The following OR3A2 variants were observed in gnomAD, a reference collection of about 807,000 sequenced individuals.
OR3A2 encodes the protein olfactory receptor 3A2.
For missense variants in OR3A2, 318 were observed against 392.8 expected (o/e 0.81, Z 1.61); for synonymous variants, 126 against 159.3 (o/e 0.79, Z 1.57).
intron 2 of OR3A2, among the ~76,000 whole-genome samples, chr17:3,379,997 G>A (rs779818553): frequency 6.6e-6 from 1 of 152,214 alleles, no homozygotes; most frequent in Non-Finnish European, 1.5e-5. Context: ...TGGTTTCAGA[G>A]GCCACCATAA....
In OR3A2 at chr17:3,371,730, C is replaced by A. The variant is rs2049625387; in HGVS notation, c.-179+12074G>T. Among the ~76,000 whole-genome samples, 4 of 141,462 alleles carry A rather than the reference C, an allele frequency of 2.8e-5. 1 individual carries two copies. Among genetic ancestry groups the A allele is most frequent in the African/African-American group, 1.1e-4 (4 of 37,636 alleles). The allele number at this position is 141,462 out of a possible 152,430, so 92.8% of individuals were successfully genotyped here. ...CCCACCTCCCTCCCGGACGGGGCAG[C>A]TGGCCGGGCAGAGGGACTCCTCACT... On this transcript the variant is annotated intron_variant, in intron 2 of 4. Transcript: ENST00000573491.
chr17:3,340,182 G>A (rs184798774), intron 2 of OR3A2, among the ~76,000 whole-genome samples: 741 of 151,868 alleles, frequency 4.9e-3, no homozygotes, highest in Non-Finnish European at 7.2e-3. Context: ...TCTTGCTAGC[G>A]GTCTATCAAT....
intron 2 of OR3A2, among the ~76,000 whole-genome samples, chr17:3,349,291 C>T (rs1463066719): frequency 6.6e-6 from 1 of 152,138 alleles, no homozygotes; most frequent in Non-Finnish European, 1.5e-5. Context: ...AAACCCATCT[C>T]ACGGGCAGAG....
chr17:3,383,552 TTCTC>T (rs2049755847), intron 2 of OR3A2, among the ~76,000 whole-genome samples: 1 of 152,180 alleles, frequency 6.6e-6, no homozygotes, highest in African/African-American at 2.4e-5. Context: ...GCTAGTGCTC[TTCTC>T]ACTGCATCAC....
At chr17:3,283,521 G>A (rs1322463825) in intron 1 of OR3A2, among the ~76,000 whole-genome samples, 2 of 152,180 alleles carry the variant, frequency 1.3e-5, no homozygotes, top group East Asian at 3.9e-4. Context: ...CACTGCGCCC[G>A]GCCGGTATCC....
At chr17:3,285,061 G>A (rs2048800030), upstream of OR3A2, among the ~76,000 whole-genome samples, 1 of 152,092 alleles carries the variant, frequency 6.6e-6, no homozygotes. Context: ...GATTCTAGAG[G>A]TGGTGGGAGA....
At position 3,361,095 on chromosome 17, in the gene OR3A2, A is replaced by G. The variant is rs558097270; in HGVS notation, c.-179+22709T>C. On this transcript the variant is annotated intron_variant, in intron 2 of 4. Coordinates refer to the OR3A2 transcript ENST00000573491. The stretch of plus-strand genomic sequence containing the variant: ...TGTTTGTGTCCTCTTTTATTTCGTT[A>G]AGCAGTGGTTTGTAGTTCTCCTTGA... Among the ~76,000 whole-genome samples the G allele has an allele frequency of 2.3e-3, 343 of 151,350 alleles. 11 individuals are homozygous for G. Among genetic ancestry groups the G allele is most frequent in the African/African-American group, 8.0e-3 (328 of 40,794 alleles).
chr17:3,307,723 G>A (rs908269899), intron 3 of OR3A2, among the ~76,000 whole-genome samples: 9 of 152,142 alleles, frequency 5.9e-5, no homozygotes, highest in African/African-American at 1.9e-4. Context: ...AAGAGAAGCC[G>A]GGCTTGAGGA....
At chr17:3,328,828 G>T (rs2049201395) in intron 3 of OR3A2, among the ~76,000 whole-genome samples, 1 of 143,304 alleles carries the variant, frequency 7.0e-6, no homozygotes, top group African/African-American at 2.7e-5. Flanking sequence ...TGTGGTTTTT[G>T]TCTTCGGCTC....
intron 2 of OR3A2, among the ~76,000 whole-genome samples, chr17:3,346,274 G>C (rs931899698): frequency 6.6e-6 from 1 of 152,088 alleles, no homozygotes; most frequent in Admixed American, 6.6e-5. Context: ...TACATGGTAG[G>C]TGTACATATT....
intron 2 of OR3A2, among the ~76,000 whole-genome samples, chr17:3,348,962 T>C (rs1567563675): frequency 6.6e-6 from 1 of 152,018 alleles, no homozygotes; most frequent in Admixed American, 6.6e-5. Context: ...AATAAAATAC[T>C]TTACAGACAA....
Position 3,372,273 on chromosome 17 carries a change from G to A in OR3A2, c.-179+11531C>T, listed in dbSNP as rs901012333. On this transcript the variant is annotated intron_variant, in intron 2 of 4. Coordinates refer to the OR3A2 transcript ENST00000573491. ...TCACTTCCTAGATGGGATGGCGGCC[G>A]GGAAGAGGCACTCCTCACTTCCTAG... is the stretch of plus-strand genomic sequence containing the variant. 1.3e-4 allele frequency among the ~76,000 whole-genome samples: 19 copies of A among 148,592 alleles called. 1 individual carries two copies. The highest frequency in any genetic ancestry group is 3.5e-4 in the African/African-American group (14 of 40,010).
chr17:3,384,033 G>C (rs995450624), intron 1 of OR3A2: 2 of 145,586 alleles, frequency 1.4e-5, no homozygotes, highest in Non-Finnish European at 3.0e-5. Flanking sequence ...AATATTTATT[G>C]AATAAATATT....
intron 2 of OR3A2, among the ~76,000 whole-genome samples, chr17:3,346,236 A>G (rs1463671318): frequency 6.6e-6 from 1 of 152,140 alleles, no homozygotes; most frequent in Admixed American, 6.5e-5. Context: ...TGGTATATAT[A>G]CTATATTTTC....
At chr17:3,349,127 C>A (rs1291286463) in intron 2 of OR3A2, among the ~76,000 whole-genome samples, 3 of 152,078 alleles carry the variant, frequency 2.0e-5, no homozygotes, top group Admixed American at 2.0e-4. Context: ...CATCAACTAA[C>A]GTGCAAAATC....
intron 3 of OR3A2, chr17:3,291,848 G>A (rs1597321760): frequency 6.2e-7 from 1 of 1,614,066 alleles, no homozygotes; most frequent in East Asian, 2.2e-5. Context: ...TGAGGTGGGA[G>A]CCACATGTGG....
At chr17:3,287,031 G>T (rs2048819136), upstream of OR3A2, among the ~76,000 whole-genome samples, 1 of 152,010 alleles carries the variant, frequency 6.6e-6, no homozygotes, top group South Asian at 2.1e-4. Flanking sequence ...TTTCTTCTAG[G>T]GTTTTTATGG....
chr17:3,337,578 T>C (rs2049282919), intron 2 of OR3A2, among the ~76,000 whole-genome samples: 1 of 152,184 alleles, frequency 6.6e-6, no homozygotes, highest in Non-Finnish European at 1.5e-5. Context: ...TCCAGCTTCA[T>C]CCATGTCCTT....
chr17:3,365,380 T>C (rs1244344559), intron 2 of OR3A2, among the ~76,000 whole-genome samples: 12 of 152,220 alleles, frequency 7.9e-5, no homozygotes, highest in Admixed American at 7.9e-4. Flanking sequence ...ATAAAGAAAC[T>C]GAGGCAAAGA....
Sources: allele counts gnomAD v4.1 joint callset (sites outside exome capture counted in the v4.1 genomes callset), GRCh38; gene constraint gnomAD v4.1.1; transcripts MANE v1.5; gene names NCBI Gene and HGNC (gene_info 2026-07-23, HGNC 2026-07-21).